The following THSD7B variants were observed in gnomAD, a reference collection of about 807,000 sequenced individuals.
THSD7B encodes thrombospondin type 1 domain containing 7B, also known as thrombospondin type-1 domain-containing protein 7B.
THSD7B carries 138 observed loss-of-function variants against 213.6 expected under a neutral mutation model. That is an observed-to-expected ratio of 0.65 (90% CI 0.56 to 0.74). The LOEUF (loss-of-function observed/expected upper bound fraction) is 0.74. Among genes scored for constraint, THSD7B ranks in the 30% least tolerant of loss-of-function variants. The pLI, the probability that THSD7B is intolerant of heterozygous loss-of-function variation, is 0.00. For synonymous variants in THSD7B, 742 were observed against 687.0 expected (o/e 1.08, Z -1.25); for missense variants, 1,931 against 1,991.5 (o/e 0.97, Z 0.58).
chr2:136,778,117 C>T (rs563545453), intron 1 of THSD7B, among the ~76,000 whole-genome samples: 1 of 152,272 alleles, frequency 6.6e-6, no homozygotes, highest in South Asian at 2.1e-4. Context: ...TCCAAGAACA[C>T]CTACAACCCT....
intron 2 of THSD7B, among the ~76,000 whole-genome samples, chr2:137,031,204 C>A (rs1243953408): frequency 1.1e-5 from 1 of 93,412 alleles, no homozygotes; most frequent in Non-Finnish European, 3.0e-5. Flanking sequence ...ATTAGCTGGG[C>A]ATGGTGGCGG....
At chr2:137,125,214 CA>C (rs1688611290) in intron 5 of THSD7B, among the ~76,000 whole-genome samples, 1 of 152,180 alleles carries the variant, frequency 6.6e-6, no homozygotes, top group Non-Finnish European at 1.5e-5. Flanking sequence ...CCTTATACGA[CA>C]GATTTCTCTG....
chr2:136,915,450 G>A (rs1348005623), intron 2 of THSD7B, among the ~76,000 whole-genome samples: 1 of 152,116 alleles, frequency 6.6e-6, no homozygotes, highest in Non-Finnish European at 1.5e-5. Flanking sequence ...ATTAGAAAAT[G>A]CTATTTCAAA....
intron 7 of THSD7B, among the ~76,000 whole-genome samples, chr2:137,212,024 A>G (rs1188996852): frequency 2.0e-5 from 3 of 152,116 alleles, no homozygotes; most frequent in African/African-American, 4.8e-5. Context: ...AATGTGAATC[A>G]CAACAATCAC....
chr2:137,214,763 C>T (rs1288632925), intron 7 of THSD7B, among the ~76,000 whole-genome samples: 1 of 152,118 alleles, frequency 6.6e-6, no homozygotes, highest in African/African-American at 2.4e-5. Context: ...GACATGAGCG[C>T]ATCCTTTTTT....
At chr2:136,838,497 C>T (rs190239031) in intron 1 of THSD7B, among the ~76,000 whole-genome samples, 24 of 152,324 alleles carry the variant, frequency 1.6e-4, no homozygotes, top group Admixed American at 1.5e-3. Context: ...CTACTGGGTA[C>T]TAGAGCTTGG....
At chr2:137,366,395 A>T (rs1360650529) in intron 12 of THSD7B, among the ~76,000 whole-genome samples, 1 of 148,518 alleles carries the variant, frequency 6.7e-6, no homozygotes, top group Non-Finnish European at 1.5e-5. Flanking sequence ...TATAATAATA[A>T]AAAAAAAAAG....
intron 27 of THSD7B, among the ~76,000 whole-genome samples, chr2:137,669,969 C>A (rs1683528497): frequency 6.6e-6 from 1 of 151,914 alleles, no homozygotes; most frequent in South Asian, 2.1e-4. Flanking sequence ...GTTAACAAAC[C>A]ACTTTCTAGA....
At chr2:137,321,960 A>T (rs1480044675) in intron 12 of THSD7B, among the ~76,000 whole-genome samples, 2 of 152,176 alleles carry the variant, frequency 1.3e-5, no homozygotes, top group Non-Finnish European at 2.9e-5. Flanking sequence ...TGATTCATTG[A>T]GACATTATGG....
chr2:137,101,853 G>A (rs1030610334), intron 4 of THSD7B, among the ~76,000 whole-genome samples: 4 of 152,196 alleles, frequency 2.6e-5, no homozygotes, highest in Non-Finnish European at 5.9e-5. Context: ...TCTCCTCTTT[G>A]GGCAGGGCAT....
chr2:136,862,910 A>T (rs1683276600), intron 1 of THSD7B, among the ~76,000 whole-genome samples: 1 of 152,132 alleles, frequency 6.6e-6, no homozygotes, highest in African/African-American at 2.4e-5. Flanking sequence ...TGATTTTCCA[A>T]ATCCGTTGCT....
intron 15 of THSD7B, chr2:137,512,283 A>T (rs1386156885): frequency 1.3e-5 from 2 of 149,502 alleles, no homozygotes; most frequent in African/African-American, 2.5e-5. Flanking sequence ...TCAAAGTACA[A>T]TTTTTTTCAT....
At chr2:136,783,390 G>T (rs370989251) in intron 1 of THSD7B, among the ~76,000 whole-genome samples, 1 of 152,098 alleles carries the variant, frequency 6.6e-6, no homozygotes, top group African/African-American at 2.4e-5. Context: ...CGTGGTTCTC[G>T]TTGAACCAAA....
intron 12 of THSD7B, among the ~76,000 whole-genome samples, chr2:137,382,626 G>A (rs1188101664): frequency 1.3e-5 from 2 of 152,248 alleles, no homozygotes; most frequent in Non-Finnish European, 2.9e-5. Flanking sequence ...TTACCCGATA[G>A]TGGGATGGGT....
At chr2:137,221,289 AAAAAAC>A (rs1006886406) in intron 7 of THSD7B, among the ~76,000 whole-genome samples, 50 of 152,226 alleles carry the variant, frequency 3.3e-4, no homozygotes, top group South Asian at 4.1e-4. Context: ...TCCGTCTCAA[AAAAAAC>A]AAAAACAAAA....
chr2:137,161,408 C>T (rs907742994), intron 6 of THSD7B, among the ~76,000 whole-genome samples: 1 of 151,852 alleles, frequency 6.6e-6, no homozygotes, highest in African/African-American at 2.4e-5. Context: ...ACACTTGATG[C>T]TAGCATGCTT....
chr2:137,132,340 A>G (rs1234972681), intron 5 of THSD7B, among the ~76,000 whole-genome samples: 1 of 146,084 alleles, frequency 6.8e-6, no homozygotes, highest in African/African-American at 2.5e-5. Flanking sequence ...GGACAATTTG[A>G]CTTCCTCTTT....
Position 137,618,476 on chromosome 2 carries a change from G to A in THSD7B, c.3650G>A (p.Gly1217Asp), listed in dbSNP as rs540719366. The A allele has an allele frequency of 1.9e-6, 3 of 1,613,792 alleles. No individual in the cohort carries two copies. The highest frequency in any genetic ancestry group is 2.7e-5 in the African/African-American group (2 of 75,030). ...TRLLSCVCSD[G>D]KPVSMDQCEQ... ...CTGCTAAGCTGTGTGTGCAGTGATG[G>A]CAAGCCAGTCAGCATGGACCAATGT... The change falls in exon 19 of 28, where the codon GGC becomes GAC. Residue 1217 changes from glycine (G) to aspartate (D), a missense_variant. Coordinates refer to ENST00000409968, the MANE Select transcript of THSD7B (RefSeq NM_001316349.2).
chr2:137,508,960 G>C (rs955642418), intron 15 of THSD7B, among the ~76,000 whole-genome samples: 3 of 152,106 alleles, frequency 2.0e-5, no homozygotes, highest in Admixed American at 6.5e-5. Context: ...GCAGAGTTAA[G>C]CAGCGCTCCA....
Sources: gnomAD v4.1 joint callset for allele counts (sites outside exome capture counted in the v4.1 genomes callset) on GRCh38, gnomAD v4.1.1 for gene constraint, MANE v1.5 for transcripts, NCBI Gene and HGNC (gene_info 2026-07-23, HGNC 2026-07-21) for gene names.